SDK2: variants seen among roughly 807,000 people sequenced by gnomAD.
SDK2 encodes the protein protein sidekick-2.
Under a neutral mutation model 253.9 loss-of-function variants are expected in SDK2, and 105 were observed. The observed-to-expected ratio is 0.41, with a 90% CI of 0.35 to 0.49. The LOEUF is 0.49. Among genes scored for constraint, SDK2 ranks in the 20% least tolerant of loss-of-function variants. SDK2 has a pLI of 0.06. For synonymous variants in SDK2, 1,249 were observed against 1,234.9 expected, an observed-to-expected ratio of 1.01 and a Z score of -0.24; for missense variants, 2,608 against 3,003.0, an observed-to-expected ratio of 0.87 and a Z score of 3.07.
intron 4 of SDK2, among the ~76,000 whole-genome samples, chr17:73,450,755 T>G (rs952799162): frequency 4.6e-5 from 7 of 152,244 alleles, no homozygotes; most frequent in Admixed American, 4.6e-4. Context: ...CTGGACAACT[T>G]TTGGTTGCCA....
At chr17:73,387,688 C>T (rs1409019745) in intron 30 of SDK2, 148 bp downstream of exon 30, 4 of 655,188 alleles carry the variant, frequency 6.1e-6, no homozygotes, top group Admixed American at 2.9e-5. Flanking sequence ...TGAGAGTGGA[C>T]GCGGGGGCCG....
intron 1 of SDK2, among the ~76,000 whole-genome samples, chr17:73,625,631 C>CTTTTCTT (rs2046191851): frequency 6.6e-6 from 1 of 152,130 alleles, no homozygotes; most frequent in South Asian, 2.1e-4. Flanking sequence ...ACCACATTTT[C>CTTTTCTT]TTTTCTTTTT....
intron 21 of SDK2, among the ~76,000 whole-genome samples, chr17:73,400,502 G>A (rs1193951773): frequency 6.6e-6 from 1 of 152,188 alleles, no homozygotes; most frequent in Non-Finnish European, 1.5e-5. Flanking sequence ...GAGAGCTGTG[G>A]GAGGATGCAG....
intron 18 of SDK2, among the ~76,000 whole-genome samples, chr17:73,402,566 C>A (rs531554068): frequency 4.6e-5 from 7 of 152,286 alleles, no homozygotes; most frequent in Admixed American, 1.3e-4. Flanking sequence ...AAACGTGGGG[C>A]CCTGGACGAC....
intron 18 of SDK2, 29 bp from the exon 19 acceptor site, chr17:73,402,170 G>A: frequency 6.2e-7 from 1 of 1,602,100 alleles, no homozygotes; most frequent in South Asian, 1.1e-5. Flanking sequence ...GTCACACAGG[G>A]CAGCAGGAAG....
At position 73,569,124 on chromosome 17, in the gene SDK2, C is replaced by T. The variant is rs562826371; in HGVS notation, c.65-61527G>A. 4.9e-4 allele frequency among the ~76,000 whole-genome samples: 75 copies of T among 152,096 alleles called. 2 individuals are homozygous for T. The highest frequency in any genetic ancestry group is 4.8e-3 in the Admixed American group (74 of 15,284). ...ATGTTGAGTAACTCACCTAAGATCA[C>T]ACAGCTAGTAGTAAGAGATAGAGCT... On this transcript the variant is annotated intron_variant, in intron 1 of 44. Transcript: ENST00000392650.
At chr17:73,621,937 A>G (rs2046138161) in intron 1 of SDK2, among the ~76,000 whole-genome samples, 1 of 152,196 alleles carries the variant, frequency 6.6e-6, no homozygotes, top group African/African-American at 2.4e-5. Flanking sequence ...TGGTCAGTGA[A>G]CTCTAAGCAG....
intron 33 of SDK2, among the ~76,000 whole-genome samples, chr17:73,381,459 T>C (rs2062829945): frequency 6.6e-6 from 1 of 151,740 alleles, no homozygotes; most frequent in East Asian, 1.9e-4. Flanking sequence ...ACGCAAGCTG[T>C]TGGATCAGCT....
rs151053245 is a variant in SDK2, at chr17:73,488,114, C to T, written c.225-15896G>A. Among the ~76,000 whole-genome samples the T allele has an allele frequency of 8.5e-3, 1,297 of 152,230 alleles. 14 individuals are homozygous for T. Among genetic ancestry groups the T allele is most frequent in the Middle Eastern group, 0.085 (25 of 294 alleles). On this transcript the variant is annotated intron_variant, in intron 2 of 44. Transcript: ENST00000392650. The stretch of plus-strand genomic sequence containing the variant: ...CACTGCAAGCTCTGCCTCCTGGGTT[C>T]ACGCCATTCTCCTGCCTCAGCCTCC...
chr17:73,504,708 G>C, intron 2 of SDK2, among the ~76,000 whole-genome samples: 1 of 102,834 alleles, frequency 9.7e-6, no homozygotes, highest in Non-Finnish European at 2.3e-5. Flanking sequence ...ATTTGAGCTG[G>C]GCCCTGCAGG....
At chr17:73,388,927 TCCCTCCCCTC>T in intron 29 of SDK2, among the ~76,000 whole-genome samples, 1 of 44,336 alleles carries the variant, frequency 2.3e-5, no homozygotes, top group Non-Finnish European at 3.9e-5. Flanking sequence ...TTTCCCCCCT[TCCCTCCCCTC>T]CCTTTCCCTT....
intron 5 of SDK2, among the ~76,000 whole-genome samples, chr17:73,446,071 G>A (rs76538114): frequency 0.016 from 2,430 of 152,244 alleles, 60 homozygotes; most frequent in African/African-American, 0.056. Context: ...GAACAGACAG[G>A]AAGGCCCCGA....
chr17:73,507,241 C>T (rs957538825), intron 2 of SDK2, among the ~76,000 whole-genome samples, 197 bp downstream of exon 2: 3 of 152,246 alleles, frequency 2.0e-5, no homozygotes, highest in African/African-American at 7.2e-5. Context: ...CACAACCCAG[C>T]CATCCTCTGC....
In SDK2 at chr17:73,350,304, G is replaced by A. The variant is rs1235926295; in HGVS notation, c.5971C>T (p.Leu1991=). The A allele has an allele frequency of 6.3e-7, 1 of 1,598,248 alleles. No homozygotes were observed. Among genetic ancestry groups the A allele is most frequent in the Non-Finnish European group, 8.5e-7 (1 of 1,173,192 alleles). ...MSLDESSFPA[L]ELNNRRLSVK... Reference sequence around the variant, plus strand: ...GAGAGCCGCCTGTTGTTGAGTTCCAGGGCAGGGAAGCTGCTTTCATCCAAG... The same window carrying A: ...GAGAGCCGCCTGTTGTTGAGTTCCAAGGCAGGGAAGCTGCTTTCATCCAAG... Residue 1991 remains leucine (L), a synonymous_variant, in exon 43 of 45, where the codon CTG becomes TTG. Transcript: ENST00000392650.
Position 73,401,907 on chromosome 17 carries a change from C to T in SDK2, c.2680+39G>A, listed in dbSNP as rs111577935. 7.1e-6 allele frequency: 10 copies of T among 1,414,086 alleles called. No individual in the cohort carries two copies. The African/African-American group carries it at 8.5e-5, about 12-fold the overall frequency. The allele number at this position is 1,414,086 out of a possible 1,614,324, so 87.6% of individuals were successfully genotyped here. Reference sequence around the variant, plus strand: ...CTGGGGCGCCCAGCCTGGCCTTGGGCGGGGGGGGGCAGAAAGAGCAGGGCT... The same window carrying T: ...CTGGGGCGCCCAGCCTGGCCTTGGGTGGGGGGGGGCAGAAAGAGCAGGGCT... On this transcript the variant is annotated intron_variant, in intron 19 of 44. Coordinates refer to ENST00000392650, the MANE Select transcript of SDK2 (RefSeq NM_001144952.2).
At position 73,395,353 on chromosome 17, in the gene SDK2, C is replaced by T. The variant is rs1356743829; in HGVS notation, c.3394G>A (p.Val1132Met). ...CGGCTGTACTTGATCTTATAGCCCA[C>T]GGACTCAGGGTTCCCATTGTATTCC... Reference protein sequence around the residue: ...EMEYNGNPESVGYKIKYSRSD... With the variant: ...EMEYNGNPESMGYKIKYSRSD... The change falls in exon 25 of 45, where the codon GTG (valine) becomes ATG (methionine). Residue 1132 changes from valine (V) to methionine (M), a missense_variant. By Grantham distance (21) the Val-to-Met change is conservative (BLOSUM62 1). Transcript: ENST00000392650. This position sits in a 1 kb window ranked among gnomAD's most constrained non-coding sequence, Gnocchi z 4.3. 11 of 1,613,942 alleles carry T rather than the reference C, an allele frequency of 6.8e-6. No individual in the cohort carries two copies. Among genetic ancestry groups the T allele is most frequent in the East Asian group, 4.5e-5 (2 of 44,876 alleles).
chr17:73,467,896 A>AG lies in SDK2; in HGVS notation c.331+4215dup, dbSNP rs144409284. 7.2e-5 allele frequency among the ~76,000 whole-genome samples: 11 copies of AG among 152,272 alleles called. 2 individuals carry two copies. Among genetic ancestry groups the AG allele is most frequent in the South Asian group, 2.1e-4 (1 of 4,824 alleles). On this transcript the variant is annotated intron_variant, in intron 3 of 44. Coordinates refer to ENST00000392650, the MANE Select transcript of SDK2 (RefSeq NM_001144952.2). The surrounding 1 kb of genome is among the most constrained non-coding windows in gnomAD (Gnocchi z 4.1). ...TTTCAGGGAGCTGCAGCTGGTGGAC[A>AG]GGGGGAGGTTAACCTGGGTCTCTCT...
At chr17:73,466,294 C>T (rs1008206136) in intron 3 of SDK2, among the ~76,000 whole-genome samples, 4 of 152,124 alleles carry the variant, frequency 2.6e-5, no homozygotes, top group Admixed American at 2.0e-4. Flanking sequence ...CCCTGAGTGC[C>T]GTCCAGTCTG....
chr17:73,595,039 C>A (rs2045735692), intron 1 of SDK2, among the ~76,000 whole-genome samples: 1 of 152,210 alleles, frequency 6.6e-6, no homozygotes, highest in African/African-American at 2.4e-5. Flanking sequence ...AACGCCATCA[C>A]CACGAGAAAA....
Sources: gnomAD v4.1 joint callset for allele counts (sites outside exome capture counted in the v4.1 genomes callset) on GRCh38, gnomAD v4.1.1 for gene constraint, Gnocchi (gnomAD v3.1) non-coding constraint, MANE v1.5 for transcripts, NCBI Gene and HGNC (gene_info 2026-07-23, HGNC 2026-07-21) for gene names.